The following GRIPAP1 variants were observed in gnomAD, a reference collection of about 807,000 sequenced individuals.
GRIPAP1 encodes GRIP1 associated protein 1.
Under a neutral mutation model 84.1 loss-of-function variants are expected in GRIPAP1, and 14 were observed. That is an observed-to-expected ratio of 0.17 (90% confidence interval 0.11 to 0.26). The LOEUF (loss-of-function observed/expected upper bound fraction) is 0.26, where lower values mean the gene tolerates loss of function less well. Among genes scored for constraint, GRIPAP1 ranks in the 10% least tolerant of loss-of-function variants. GRIPAP1 has a pLI of 1.00. For missense variants in GRIPAP1, 518 were observed against 674.2 expected (o/e 0.77, Z 2.57); for synonymous variants, 261 against 256.8 (o/e 1.02, Z -0.15).
intron 23 of GRIPAP1, 27 bp downstream of exon 23, chrX:48,976,214 A>G: frequency 8.5e-7 from 1 of 1,177,195 alleles, no homozygotes; most frequent in African/African-American, 1.8e-5. Flanking sequence ...TCAAGTGGGG[A>G]TGGGCAGGCA....
chrX:48,981,412 T>TTAC lies in GRIPAP1; in HGVS notation c.1830+1_1830+3dup. 8.3e-7 allele frequency: 1 copy of TTAC among 1,209,477 alleles called. No individual in the cohort carries two copies. Among genetic ancestry groups the TTAC allele is most frequent in the Non-Finnish European group, 1.1e-6 (1 of 894,047 alleles). On this transcript the variant is annotated splice_donor_region_variant and intron_variant, in intron 20 of 25. Coordinates refer to ENST00000376423, the MANE Select transcript of GRIPAP1 (RefSeq NM_020137.5). ...AGCCGTGCTTGGGCACCGCTCTGTC[T>TTAC]TACCGCAGCACTGCCCTTCTTCTCC... is the stretch of plus-strand genomic sequence containing the variant.
chrX:48,992,590 C>T (rs1557065834), intron 6 of GRIPAP1, among the ~76,000 whole-genome samples: 1 of 111,980 alleles, frequency 8.9e-6, no homozygotes, highest in Non-Finnish European at 1.9e-5. Flanking sequence ...CACTGACTTA[C>T]AGCTGAATCC....
chrX:48,998,065 A>G (rs944680084), intron 4 of GRIPAP1, 89 bp downstream of exon 4: 1 of 680,786 alleles, frequency 1.5e-6, no homozygotes, highest in Non-Finnish European at 2.4e-6. Context: ...ACACAAAGAA[A>G]GAAAGGCCAG....
chrX:48,986,836 G>GT (rs1367943987), intron 13 of GRIPAP1, among the ~76,000 whole-genome samples: 5 of 102,614 alleles, frequency 4.9e-5, no homozygotes, highest in South Asian at 8.6e-4. Flanking sequence ...CGGCCAATAA[G>GT]TTTTTTTTCG....
intron 14 of GRIPAP1, among the ~76,000 whole-genome samples, chrX:48,984,076 G>A (rs782447211): frequency 4.5e-5 from 5 of 111,441 alleles, no homozygotes; most frequent in Non-Finnish European, 9.4e-5. Context: ...ATTTATCATC[G>A]GGCATACAGC....
intron 17 of GRIPAP1, among the ~76,000 whole-genome samples, chrX:48,982,361 A>C (rs1240024152): frequency 1.1e-4 from 12 of 112,140 alleles, no homozygotes; most frequent in African/African-American, 3.2e-4. Context: ...GTATTATGAG[A>C]TTTCCAGAAA....
intron 1 of GRIPAP1, 29 bp downstream of exon 1, chrX:49,002,159 C>T (rs1484184935): frequency 8.2e-6 from 9 of 1,091,497 alleles, no homozygotes; most frequent in Non-Finnish European, 1.0e-5. Context: ...GTCGCCTAGC[C>T]GGGTGGTCTT....
intron 8 of GRIPAP1, 111 bp from the exon 9 acceptor site, chrX:48,990,114 A>G: frequency 1.6e-6 from 1 of 629,723 alleles, no homozygotes; most frequent in Admixed American, 3.5e-5. Context: ...GCCAGGATTT[A>G]CTTATGTTGT....
intron 25 of GRIPAP1, among the ~76,000 whole-genome samples, chrX:48,974,855 C>A (rs1035353190): frequency 1.8e-5 from 2 of 111,439 alleles, no homozygotes; most frequent in African/African-American, 6.5e-5. Flanking sequence ...GGTGGCAGGA[C>A]ATGGGGTAGA....
chrX:48,973,983 C>A lies in GRIPAP1; in HGVS notation c.*210G>T. 3.0e-6 allele frequency: 1 copy of A among 336,139 alleles called. No individual in the cohort carries two copies. The highest frequency in any genetic ancestry group is 5.3e-6 in the Non-Finnish European group (1 of 190,054). 27.7% of individuals were successfully genotyped at this position (336,139 alleles called of 1,213,427 possible). On this transcript the variant is annotated 3_prime_UTR_variant, in exon 26 of 26. Coordinates refer to ENST00000376423, the MANE Select transcript of GRIPAP1 (RefSeq NM_020137.5). Reference sequence around the variant, plus strand: ...GCCAGGACCAAGAAGAAGGAGAAATCCCTGCCCCTTCCCTCAGGATCCCCA... The same window carrying A: ...GCCAGGACCAAGAAGAAGGAGAAATACCTGCCCCTTCCCTCAGGATCCCCA...
At chrX:48,991,201 C>T (rs2064518518) in intron 6 of GRIPAP1, 91 bp from the exon 7 acceptor site, 1 of 625,304 alleles carries the variant, frequency 1.6e-6, no homozygotes, top group Non-Finnish European at 2.7e-6. Context: ...GCCTTCAACC[C>T]CTCAGGTGGC....
chrX:49,002,149 G>C (rs782605145), intron 1 of GRIPAP1, 39 bp downstream of exon 1: 10 of 1,005,639 alleles, frequency 9.9e-6, no homozygotes, highest in Non-Finnish European at 1.4e-5. Flanking sequence ...CCCGCCCCCG[G>C]TCGCCTAGCC....
chrX:48,992,835 T>G (rs781902086), intron 6 of GRIPAP1, among the ~76,000 whole-genome samples: 1 of 111,399 alleles, frequency 9.0e-6, no homozygotes, highest in East Asian at 2.8e-4. Flanking sequence ...TCCTTTTTTT[T>G]TTTGAGATGG....
rs1557062715 is a variant in GRIPAP1 at position 48,983,239 on chromosome X, G to A, written c.1474C>T (p.Arg492Trp). Residue 492 changes from arginine (R) to tryptophan (W), a missense_variant, in exon 16 of 26, where the codon CGG becomes TGG. By Grantham distance (101) the Arg-to-Trp change is moderately radical. Around this residue, in one of 5 missense-constraint regions of GRIPAP1, gnomAD observed 372 missense variants for 458.1 expected, o/e 0.81. Coordinates refer to ENST00000376423, the MANE Select transcript of GRIPAP1 (RefSeq NM_020137.5). ...RQEEELRGQI[R>W]EEKARTRELE... ...ATCTACCCACCCACCTTCTCCTCCC[G>A]GATCTGCCCACGGAGCTCCTCCTCC... The A allele has an allele frequency of 5.8e-6, 7 of 1,208,609 alleles. No individual in the cohort carries two copies. Among genetic ancestry groups the A allele is most frequent in the East Asian group, 3.0e-5 (1 of 33,782 alleles).
intron 13 of GRIPAP1, 33 bp downstream of exon 13, chrX:48,987,752 A>G (rs926203716): frequency 2.3e-6 from 2 of 876,942 alleles, no homozygotes; most frequent in Admixed American, 4.7e-5. Flanking sequence ...GGAACTGGAG[A>G]GGGATCAGCA....
intron 11 of GRIPAP1, 132 bp downstream of exon 11, chrX:48,989,479 T>A: frequency 2.2e-6 from 1 of 457,068 alleles, no homozygotes; most frequent in East Asian, 3.6e-5. Flanking sequence ...TCCTAGCTCC[T>A]GGGGGGCCCC....
intron 13 of GRIPAP1, among the ~76,000 whole-genome samples, chrX:48,987,516 G>C (rs1284675367): frequency 2.1e-5 from 2 of 95,391 alleles, no homozygotes; most frequent in Non-Finnish European, 4.2e-5. Context: ...GTGCGATCTC[G>C]GCTCACTGAA....
chrX:48,997,928 C>A, intron 4 of GRIPAP1: 1 of 419,506 alleles, frequency 2.4e-6, no homozygotes. Context: ...CAGACAGAGA[C>A]AGAAAGAGAC....
chrX:49,000,136 C>T (rs1360279127), intron 1 of GRIPAP1, among the ~76,000 whole-genome samples: 2 of 109,345 alleles, frequency 1.8e-5, no homozygotes, highest in African/African-American at 3.3e-5. Context: ...GAGGCCAAGG[C>T]GGGTGGGTCA....
Sources: gnomAD v4.1 joint callset for allele counts (sites outside exome capture counted in the v4.1 genomes callset) on GRCh38, gnomAD v4.1.1 for gene constraint, gnomAD v4.1.1 regional missense constraint, MANE v1.5 for transcripts, NCBI Gene and HGNC (gene_info 2026-07-23, HGNC 2026-07-21) for gene names.